ZBTB42: variants seen among roughly 807,000 people sequenced by gnomAD.
ZBTB42 encodes zinc finger and BTB domain containing 42, also known as zinc finger and BTB domain-containing protein 42.
Under a neutral mutation model 4.7 loss-of-function variants are expected in ZBTB42, and 3 were observed. That is an observed-to-expected ratio of 0.64 (90% CI 0.29 to 1.66). ZBTB42 has a LOEUF of 1.66. ZBTB42 is among the 40% of genes most tolerant of loss of function. The probability of loss-of-function intolerance (pLI) is 0.10; values close to 1 mark genes in which losing one functional copy is unlikely to be tolerated. For synonymous variants in ZBTB42, 255 were observed against 259.5 expected (o/e 0.98, Z 0.17); for missense variants, 521 against 577.1 (o/e 0.90, Z 1.00).
rs1662416242 is a variant in ZBTB42 at position 104,801,162 on chromosome 14, G to C, written c.-36G>C. ...TGGGCGCCTCCAGGCGCGCTGACGGGCGTCCCGTTTGTGCCCAGGTGATGA... is the reference window on the plus strand; with the variant it reads ...TGGGCGCCTCCAGGCGCGCTGACGGCCGTCCCGTTTGTGCCCAGGTGATGA... On this transcript the variant is annotated 5_prime_UTR_variant, in exon 1 of 1. Coordinates refer to ENST00000342537, the MANE Select transcript of ZBTB42 (RefSeq NM_001137601.3). The surrounding 1 kb of genome is among the most constrained non-coding windows in gnomAD (Gnocchi z 4.4). 7.2e-7 allele frequency: 1 copy of C among 1,383,894 alleles called. No individual in the cohort carries two copies. The highest frequency in any genetic ancestry group is 9.3e-7 in the Non-Finnish European group (1 of 1,074,578). 85.7% of individuals were successfully genotyped at this position (1,383,894 alleles called of 1,614,324 possible).
rs1894092278 is a variant in ZBTB42 at position 104,803,109 on chromosome 14, A to C, written c.*643A>C. 6.1e-6 allele frequency: 1 copy of C among 165,196 alleles called. No homozygotes were observed. The highest frequency in any genetic ancestry group is 6.6e-5 in the Admixed American group (1 of 15,092). The allele number at this position is 165,196 out of a possible 1,614,324, so 10.2% of individuals were successfully genotyped here. A position where few individuals can be genotyped will look rare whatever the true frequency, so the allele number is the denominator to read the frequency against. On this transcript the variant is annotated 3_prime_UTR_variant, in exon 1 of 1. Coordinates refer to ENST00000342537, the MANE Select transcript of ZBTB42 (RefSeq NM_001137601.3). ...GCAGCCCCAGCAGGGATCCTAAGGC[A>C]GCAGGAGTAGAGCCAGCTAGAAGCT...
chr14:104,801,873 G>C lies in ZBTB42; in HGVS notation c.676G>C (p.Glu226Gln), dbSNP rs1455420643. 1.3e-6 allele frequency: 2 copies of C among 1,549,480 alleles called. No individual in the cohort carries two copies. Among genetic ancestry groups the C allele is most frequent in the South Asian group, 1.2e-5 (1 of 84,058 alleles). The change falls in exon 1 of 1, where the codon GAA becomes CAA. Residue 226 changes from glutamate (E) to glutamine (Q), a missense_variant. Transcript: ENST00000342537. The surrounding 1 kb of genome is among the most constrained non-coding windows in gnomAD (Gnocchi z 4.4). The part of the protein sequence containing the change: ...QPGAQPLVKD[E>Q]RDSLSEQEES... ...AGGGGCCCAGCCACTGGTGAAGGAC[G>C]AACGGGACTCACTGTCCGAACAGGA...
In ZBTB42 at chr14:104,802,050, G is replaced by A. The variant is rs1272689280; in HGVS notation, c.853G>A (p.Asp285Asn). The change falls in exon 1 of 1, where the codon GAC becomes AAC. Residue 285 changes from aspartate (D) to asparagine (N), a missense_variant. Physicochemically the swap from Asp to Asn is conservative, Grantham distance 23. Transcript: ENST00000342537. This position sits in a 1 kb window ranked among gnomAD's most constrained non-coding sequence, Gnocchi z 5.9. Reference sequence around the variant, plus strand: ...TGGTGCAGGGCGACTGGCGAGTGAGGACGAGCTGGGGCCTGGTGGGCCCCT... The same window carrying A: ...TGGTGCAGGGCGACTGGCGAGTGAGAACGAGCTGGGGCCTGGTGGGCCCCT... ...ELGAGRLASE[D>N]ELGPGGPLCI... 7 of 1,497,492 alleles carry A rather than the reference G, an allele frequency of 4.7e-6. No individual in the cohort carries two copies. The highest frequency in any genetic ancestry group is 6.2e-6 in the Non-Finnish European group (7 of 1,123,506). The allele number at this position is 1,497,492 out of a possible 1,614,324, so 92.8% of individuals were successfully genotyped here. A position where few individuals can be genotyped will look rare whatever the true frequency, so the allele number is the denominator to read the frequency against.
chr14:104,802,526 G>A lies in ZBTB42; in HGVS notation c.*60G>A, dbSNP rs1595273485. On this transcript the variant is annotated 3_prime_UTR_variant, in exon 1 of 1. Transcript: ENST00000342537. The surrounding 1 kb of genome is among the most constrained non-coding windows in gnomAD (Gnocchi z 5.9). ...GGAAGGGATGGGCCCTCCCAGGTGG[G>A]ACACAGCATGGGGTGTGAAGCCTGA... 6.6e-7 allele frequency: 1 copy of A among 1,510,108 alleles called. No individual in the cohort carries two copies. The highest frequency in any genetic ancestry group is 2.5e-5 in the East Asian group (1 of 40,626). 93.5% of individuals were successfully genotyped at this position (1,510,108 alleles called of 1,614,324 possible).
chr14:104,804,654 G>C lies in ZBTB42; in HGVS notation c.*2188G>C, dbSNP rs995890408. The C allele has an allele frequency of 6.0e-6, 1 of 166,772 alleles. No individual in the cohort carries two copies. Among genetic ancestry groups the C allele is most frequent in the South Asian group, 2.1e-4 (1 of 4,834 alleles). 10.3% of individuals were successfully genotyped at this position (166,772 alleles called of 1,614,324 possible). ...CAGTGTCTAGGAGGCGTGGGAATGGGTGCTGTCTTCCTCTTTTCACATCAT... is the reference window on the plus strand; with the variant it reads ...CAGTGTCTAGGAGGCGTGGGAATGGCTGCTGTCTTCCTCTTTTCACATCAT... On this transcript the variant is annotated 3_prime_UTR_variant, in exon 1 of 1. Coordinates refer to ENST00000342537, the MANE Select transcript of ZBTB42 (RefSeq NM_001137601.3).
At position 104,804,148 on chromosome 14, in the gene ZBTB42, G is replaced by GGTGTGTGTGT. The variant is rs67749358; in HGVS notation, c.*1699_*1708dup. The GGTGTGTGTGT allele has an allele frequency of 4.4e-5, 7 of 160,708 alleles. No individual in the cohort carries two copies. The highest frequency in any genetic ancestry group is 6.7e-5 in the Admixed American group (1 of 15,000). The allele number at this position is 160,708 out of a possible 1,614,324, so 10.0% of individuals were successfully genotyped here. ...TGATGTGCTCCATAATCGGGTGGGG[G>GGTGTGTGTGT]GTGTGTGTGTGTGTGTGTGTGTGTG... is the stretch of plus-strand genomic sequence containing the variant. On this transcript the variant is annotated 3_prime_UTR_variant, in exon 1 of 1. Coordinates refer to ENST00000342537, the MANE Select transcript of ZBTB42 (RefSeq NM_001137601.3).
chr14:104,801,482 G>A lies in ZBTB42; in HGVS notation c.285G>A (p.Val95=). ...EGRLDLRSLP[V]EDVLAAASYL... Reference sequence around the variant, plus strand: ...GCCTGGACCTGCGCAGCCTGCCTGTGGAGGACGTCCTGGCAGCCGCCAGCT... The same window carrying A: ...GCCTGGACCTGCGCAGCCTGCCTGTAGAGGACGTCCTGGCAGCCGCCAGCT... Residue 95 remains valine, a synonymous_variant, in exon 1 of 1, where the codon GTG becomes GTA. Transcript: ENST00000342537. This position sits in a 1 kb window ranked among gnomAD's most constrained non-coding sequence, Gnocchi z 4.4. 1 of 1,550,228 alleles carries A rather than the reference G, an allele frequency of 6.5e-7. No individual in the cohort carries two copies. The highest frequency in any genetic ancestry group is 8.7e-7 in the Non-Finnish European group (1 of 1,146,922).
upstream of ZBTB42, chr14:104,800,569 C>G (rs1434548652): frequency 4.1e-5 from 6 of 147,900 alleles, no homozygotes; most frequent in South Asian, 2.1e-4. The surrounding 1 kb of genome is among the most constrained non-coding windows in gnomAD (Gnocchi z 5.3). Context: ...GGAGCGCGCC[C>G]CGCCCGGCGC....
rs997297445 is a variant in ZBTB42 at position 104,802,661 on chromosome 14, C to G, written c.*195C>G. ...CTCGGTAACTTGGGCAGCCTTCCTC[C>G]CACCTTGCCTCTCCTTTCCCCTCAC... On this transcript the variant is annotated 3_prime_UTR_variant, in exon 1 of 1. Transcript: ENST00000342537. This position sits in a 1 kb window ranked among gnomAD's most constrained non-coding sequence, Gnocchi z 5.9. 3.9e-6 allele frequency: 3 copies of G among 777,346 alleles called. No individual in the cohort carries two copies. The highest frequency in any genetic ancestry group is 5.9e-5 in the Admixed American group (2 of 33,818). The allele number at this position is 777,346 out of a possible 1,614,324, so 48.2% of individuals were successfully genotyped here. A position where few individuals can be genotyped will look rare whatever the true frequency, so the allele number is the denominator to read the frequency against.
rs897957573 is a variant in ZBTB42, at chr14:104,801,317, C to G, written c.120C>G (p.Ala40=). ...ACGCGCGCTTCCCGGCCCACCGTGC[C>G]GTGCTGGCCGCGTGCAGCGTCTACT... is the stretch of plus-strand genomic sequence containing the variant. ...VGDARFPAHR[A]VLAACSVYFH... is the part of the protein sequence containing the mutation. The change falls in exon 1 of 1, where the codon GCC becomes GCG. Residue 40 remains alanine, a synonymous_variant. Transcript: ENST00000342537. This position sits in a 1 kb window ranked among gnomAD's most constrained non-coding sequence, Gnocchi z 4.4. 6 of 1,547,512 alleles carry G rather than the reference C, an allele frequency of 3.9e-6. No homozygotes were observed. The highest frequency in any genetic ancestry group is 5.2e-6 in the Non-Finnish European group (6 of 1,146,200).
In ZBTB42 at chr14:104,802,838, G is replaced by T; in HGVS notation, c.*372G>T. The T allele has an allele frequency of 3.2e-6, 1 of 311,702 alleles. No individual in the cohort carries two copies. Among genetic ancestry groups the T allele is most frequent in the Non-Finnish European group, 6.4e-6 (1 of 157,444 alleles). 19.3% of individuals were successfully genotyped at this position (311,702 alleles called of 1,614,324 possible). On this transcript the variant is annotated 3_prime_UTR_variant, in exon 1 of 1. Coordinates refer to ENST00000342537, the MANE Select transcript of ZBTB42 (RefSeq NM_001137601.3). This position sits in a 1 kb window ranked among gnomAD's most constrained non-coding sequence, Gnocchi z 5.9. Reference sequence around the variant, plus strand: ...GTGTGAGATGGCACATCCATCTCCCGGCCCGGGACTTTCCTGACCACCTCT... The same window carrying T: ...GTGTGAGATGGCACATCCATCTCCCTGCCCGGGACTTTCCTGACCACCTCT...
Position 104,801,429 on chromosome 14 carries a change from C to T in ZBTB42, c.232C>T (p.Arg78Cys). The T allele has an allele frequency of 1.3e-6, 2 of 1,549,186 alleles. No homozygotes were observed. Among genetic ancestry groups the T allele is most frequent in the African/African-American group, 2.7e-5 (2 of 73,164 alleles). ...GDIVTAPAFG[R>C]LLDFMYEGRL... ...CATCGTCACGGCGCCCGCCTTCGGC[C>T]GCCTACTGGACTTCATGTACGAGGG... The change falls in exon 1 of 1, where the codon CGC becomes TGC. Residue 78 changes from arginine (R) to cysteine (C), a missense_variant. Coordinates refer to ENST00000342537, the MANE Select transcript of ZBTB42 (RefSeq NM_001137601.3). This position sits in a 1 kb window ranked among gnomAD's most constrained non-coding sequence, Gnocchi z 4.4.
In ZBTB42 at chr14:104,802,628, GC is replaced by G. The variant is rs1174842097; in HGVS notation, c.*164del. On this transcript the variant is annotated 3_prime_UTR_variant, in exon 1 of 1. Transcript: ENST00000342537. This position sits in a 1 kb window ranked among gnomAD's most constrained non-coding sequence, Gnocchi z 5.9. ...GAATGCTGCCTCTTCCTGGAACTTG[GC>G]CTCAGACTCGGTAACTTGGGCAGCC... 10 of 1,133,336 alleles carry G rather than the reference GC, an allele frequency of 8.8e-6. No homozygotes were observed. Among genetic ancestry groups the G allele is most frequent in the African/African-American group, 1.6e-5 (1 of 63,562 alleles). 70.2% of individuals were successfully genotyped at this position (1,133,336 alleles called of 1,614,324 possible).
rs1449541972 is a variant in ZBTB42, at chr14:104,804,121, T to C, written c.*1655T>C. The C allele has an allele frequency of 3.0e-5, 5 of 166,114 alleles. No homozygotes were observed. Among genetic ancestry groups the C allele is most frequent in the African/African-American group, 7.3e-5 (3 of 41,144 alleles). 10.3% of individuals were successfully genotyped at this position (166,114 alleles called of 1,614,324 possible). A position where few individuals can be genotyped will look rare whatever the true frequency, so the allele number is the denominator to read the frequency against. On this transcript the variant is annotated 3_prime_UTR_variant, in exon 1 of 1. Coordinates refer to ENST00000342537, the MANE Select transcript of ZBTB42 (RefSeq NM_001137601.3). ...AGCCCCCACCTCTGCAAGGGATCGG[T>C]GTGATGTGCTCCATAATCGGGTGGG... is the stretch of plus-strand genomic sequence containing the variant.
rs902233180 is a variant in ZBTB42 at position 104,802,893 on chromosome 14, C to T, written c.*427C>T. 1 of 239,106 alleles carries T rather than the reference C, an allele frequency of 4.2e-6. No homozygotes were observed. Among genetic ancestry groups the T allele is most frequent in the Non-Finnish European group, 8.8e-6 (1 of 113,414 alleles). 14.8% of individuals were successfully genotyped at this position (239,106 alleles called of 1,614,324 possible). Reference sequence around the variant, plus strand: ...CAGGCTTGGGGAGGTCTTCATGAGCCTGGCCCCACGCTAGGTGAATTATTC... The same window carrying T: ...CAGGCTTGGGGAGGTCTTCATGAGCTTGGCCCCACGCTAGGTGAATTATTC... On this transcript the variant is annotated 3_prime_UTR_variant, in exon 1 of 1. Coordinates refer to ENST00000342537, the MANE Select transcript of ZBTB42 (RefSeq NM_001137601.3). This position sits in a 1 kb window ranked among gnomAD's most constrained non-coding sequence, Gnocchi z 5.9.
Position 104,801,520 on chromosome 14 carries a change from A to G in ZBTB42, c.323A>G (p.Tyr108Cys), listed in dbSNP as rs762464135. The change falls in exon 1 of 1, where the codon TAT becomes TGT. Residue 108 changes from tyrosine to cysteine, a missense_variant. Physicochemically the swap from Tyr to Cys is radical, Grantham distance 194. Coordinates refer to ENST00000342537, the MANE Select transcript of ZBTB42 (RefSeq NM_001137601.3). The surrounding 1 kb of genome is among the most constrained non-coding windows in gnomAD (Gnocchi z 4.4). ...VLAAASYLHM[Y>C]DIVKVCKGRL... Reference sequence around the variant, plus strand: ...GCAGCCGCCAGCTACCTGCACATGTATGACATCGTCAAGGTCTGCAAGGGC... The same window carrying G: ...GCAGCCGCCAGCTACCTGCACATGTGTGACATCGTCAAGGTCTGCAAGGGC... 1.3e-6 allele frequency: 2 copies of G among 1,550,138 alleles called. No homozygotes were observed. The highest frequency in any genetic ancestry group is 1.2e-5 in the South Asian group (1 of 84,062).
At position 104,801,550 on chromosome 14, in the gene ZBTB42, T is replaced by A; in HGVS notation, c.353T>A (p.Leu118His). The A allele has an allele frequency of 6.5e-7, 1 of 1,550,062 alleles. No homozygotes were observed. The highest frequency in any genetic ancestry group is 1.2e-5 in the South Asian group (1 of 84,062). The change falls in exon 1 of 1, where the codon CTC (leucine) becomes CAC (histidine). Residue 118 changes from leucine to histidine, a missense_variant. Coordinates refer to ENST00000342537, the MANE Select transcript of ZBTB42 (RefSeq NM_001137601.3). The surrounding 1 kb of genome is among the most constrained non-coding windows in gnomAD (Gnocchi z 4.4). ...ATCGTCAAGGTCTGCAAGGGCAGGC[T>A]CCAGGAGAAGGATCGAAGTCTGGAC... Reference protein sequence around the residue: ...YDIVKVCKGRLQEKDRSLDPG... With the variant: ...YDIVKVCKGRHQEKDRSLDPG...
rs1259203244 is a variant in ZBTB42 at position 104,802,098 on chromosome 14, A to C, written c.901A>C (p.Lys301Gln). 1 of 1,522,730 alleles carries C rather than the reference A, an allele frequency of 6.6e-7. No individual in the cohort carries two copies. The highest frequency in any genetic ancestry group is 8.8e-7 in the Non-Finnish European group (1 of 1,135,062). 94.3% of individuals were successfully genotyped at this position (1,522,730 alleles called of 1,614,324 possible). ...GPLCICPLCS[K>Q]LFPSSHVLQL... is the part of the protein sequence containing the mutation. The stretch of plus-strand genomic sequence containing the variant: ...CCTCTGCATCTGCCCGTTGTGCAGC[A>C]AGCTGTTTCCCAGCTCCCACGTGCT... Residue 301 changes from lysine to glutamine, a missense_variant, in exon 1 of 1, where the codon AAG becomes CAG. Transcript: ENST00000342537. The surrounding 1 kb of genome is among the most constrained non-coding windows in gnomAD (Gnocchi z 5.9).
rs1311516420 is a variant in ZBTB42, at chr14:104,801,384, A to G, written c.187A>G (p.Thr63Ala). 5 of 1,546,898 alleles carry G rather than the reference A, an allele frequency of 3.2e-6. No homozygotes were observed. The highest frequency in any genetic ancestry group is 4.4e-6 in the Non-Finnish European group (5 of 1,145,106). Residue 63 changes from threonine to alanine, a missense_variant, in exon 1 of 1, where the codon ACG becomes GCG. Coordinates refer to ENST00000342537, the MANE Select transcript of ZBTB42 (RefSeq NM_001137601.3). The surrounding 1 kb of genome is among the most constrained non-coding windows in gnomAD (Gnocchi z 4.4). The stretch of plus-strand genomic sequence containing the variant: ...GGACCGGCCCGCGGGCAGTCGCGAC[A>G]CGGTGCGGCTCAACGGCGACATCGT... ...YRDRPAGSRD[T>A]VRLNGDIVTA... is the part of the protein sequence containing the mutation.
Sources: allele counts gnomAD v4.1 joint callset, GRCh38; gene constraint gnomAD v4.1.1; non-coding constraint Gnocchi (gnomAD v3.1); transcripts MANE v1.5; gene names NCBI Gene and HGNC (gene_info 2026-07-23, HGNC 2026-07-21).